ALMS1: variants seen among roughly 807,000 people sequenced by gnomAD.
ALMS1 encodes the protein centrosome-associated protein ALMS1.
Under a neutral mutation model 352.2 loss-of-function variants are expected in ALMS1, and 271 were observed. The ratio of observed to expected loss-of-function variants is 0.77; its 90% confidence interval spans 0.70 to 0.85. ALMS1 has a LOEUF of 0.85. Among genes scored for constraint, ALMS1 ranks in the 40% least tolerant of loss-of-function variants. ALMS1 has a pLI of 0.00. For missense variants in ALMS1, 5,445 were observed against 4,870.7 expected, an observed-to-expected ratio of 1.12 and a Z score of -3.51; for synonymous variants, 1,865 against 1,761.2, an observed-to-expected ratio of 1.06 and a Z score of -1.48.
chr2:73,433,449 G>T (rs962481827), intron 7 of ALMS1, among the ~76,000 whole-genome samples: 12 of 152,192 alleles, frequency 7.9e-5, no homozygotes, highest in Non-Finnish European at 1.6e-4. Context: ...ATTAGATGAG[G>T]TGGGAATAAG....
rs200395761 is a variant in ALMS1 at position 73,491,171 on chromosome 2, T to G, written c.9212T>G (p.Leu3071Trp). ...SGTLDERFHSLDAASKARMNS... is the reference protein window; with the variant it reads ...SGTLDERFHSWDAASKARMNS... ...ACTTTAGATGAAAGATTCCATTCATTGGATGCTGCTTCTAAAGCGAGGATG... is the reference window on the plus strand; with the variant it reads ...ACTTTAGATGAAAGATTCCATTCATGGGATGCTGCTTCTAAAGCGAGGATG... Residue 3071 changes from leucine to tryptophan, a missense_variant, in exon 10 of 23, where the codon TTG (leucine) becomes TGG (tryptophan). By Grantham distance (61) the Leu-to-Trp change is moderately conservative (BLOSUM62 -2). Coordinates refer to ENST00000613296, the MANE Select transcript of ALMS1 (RefSeq NM_001378454.1). 4 of 1,614,222 alleles carry G rather than the reference T, an allele frequency of 2.5e-6. No homozygotes were observed.
At position 73,450,177 on chromosome 2, in the gene ALMS1, A is replaced by G. The variant is rs749271012; in HGVS notation, c.3650A>G (p.Lys1217Arg). ...AGTCACATACCTGAAGAGGCACAGA[A>G]AGTTTCACCTGTTCTTGGACCAGCT... is the stretch of plus-strand genomic sequence containing the variant. ...PGSHIPEEAQKVSPVLGPADQ... is the reference protein window; with the variant it reads ...PGSHIPEEAQRVSPVLGPADQ... The change falls in exon 8 of 23, where the codon AAA becomes AGA. Residue 1217 changes from lysine to arginine, a missense_variant. Lys to Arg is a conservative substitution (Grantham distance 26). Coordinates refer to ENST00000613296, the MANE Select transcript of ALMS1 (RefSeq NM_001378454.1). The G allele has an allele frequency of 1.2e-6, 2 of 1,614,014 alleles. No homozygotes were observed. The highest frequency in any genetic ancestry group is 2.2e-5 in the South Asian group (2 of 91,076).
chr2:73,549,366 A>G (rs903472120), intron 12 of ALMS1, among the ~76,000 whole-genome samples: 2 of 152,296 alleles, frequency 1.3e-5, no homozygotes, highest in African/African-American at 4.8e-5. Flanking sequence ...ATAGCTAAAT[A>G]TATTATTATT....
At position 73,452,664 on chromosome 2, in the gene ALMS1, G is replaced by A; in HGVS notation, c.6137G>A (p.Ser2046Asn). The change falls in exon 8 of 23, where the codon AGT becomes AAT. Residue 2046 changes from serine to asparagine, a missense_variant. Physicochemically the swap from Ser to Asn is conservative, Grantham distance 46 (BLOSUM62 1). Coordinates refer to ENST00000613296, the MANE Select transcript of ALMS1 (RefSeq NM_001378454.1). ...ACTCCATCCCAGACAGCTTTTCATA[G>A]TTCCTATTCTCAAACAGTAAAGCCC... Reference protein sequence around the residue: ...QKTPSQTAFHSSYSQTVKPNI... With the variant: ...QKTPSQTAFHNSYSQTVKPNI... The A allele has an allele frequency of 6.2e-7, 1 of 1,613,952 alleles. No individual in the cohort carries two copies. The highest frequency in any genetic ancestry group is 8.5e-7 in the Non-Finnish European group (1 of 1,179,986).
chr2:73,565,912 A>C (rs1386366245), intron 15 of ALMS1, among the ~76,000 whole-genome samples: 1 of 152,226 alleles, frequency 6.6e-6, no homozygotes, highest in South Asian at 2.1e-4. Context: ...CTAAGGAGAC[A>C]TGATAATTAA....
At chr2:73,468,608 C>T (rs545012562) in intron 9 of ALMS1, among the ~76,000 whole-genome samples, 16 of 152,044 alleles carry the variant, frequency 1.1e-4, no homozygotes, top group African/African-American at 3.9e-4. Context: ...ATTTTGATTA[C>T]TCTGAGTACT....
At chr2:73,543,058 G>A (rs1303530635) in intron 12 of ALMS1, among the ~76,000 whole-genome samples, 11 of 152,032 alleles carry the variant, frequency 7.2e-5, no homozygotes, top group East Asian at 3.8e-4. Context: ...GCATCGCCAC[G>A]TCAATCCTAA....
At chr2:73,433,365 A>C (rs955270414) in intron 7 of ALMS1, among the ~76,000 whole-genome samples, 5 of 152,198 alleles carry the variant, frequency 3.3e-5, no homozygotes, top group African/African-American at 1.2e-4. Context: ...TTCAGCCTAC[A>C]TAGGGAAAGA....
chr2:73,453,418 TAAG>T lies in ALMS1; in HGVS notation c.6895_6897del (p.Lys2299del). 6.2e-7 allele frequency: 1 copy of T among 1,613,636 alleles called. No homozygotes were observed. The highest frequency in any genetic ancestry group is 8.5e-7 in the Non-Finnish European group (1 of 1,179,742). On this transcript the variant is annotated inframe_deletion, in exon 8 of 23. Coordinates refer to ENST00000613296, the MANE Select transcript of ALMS1 (RefSeq NM_001378454.1). ...TTAGTGATATTTCATTTATACAATC[TAAG>T]AAGGTGGTTTGCTTCAAAGAACCCT...
intron 16 of ALMS1, among the ~76,000 whole-genome samples, chr2:73,597,522 A>T (rs1242528433): frequency 6.6e-6 from 1 of 152,216 alleles, no homozygotes; most frequent in Non-Finnish European, 1.5e-5. Context: ...AATGTATTTC[A>T]TATCAGTCAC....
At chr2:73,394,043 A>T (rs1670706017) in intron 1 of ALMS1, among the ~76,000 whole-genome samples, 1 of 150,934 alleles carries the variant, frequency 6.6e-6, no homozygotes, top group African/African-American at 2.4e-5. Flanking sequence ...CTGGTCTCAA[A>T]CTCTTGGGCT....
At position 73,489,712 on chromosome 2, in the gene ALMS1, G is replaced by C. The variant is rs1672933058; in HGVS notation, c.7753G>C (p.Gly2585Arg). The C allele has an allele frequency of 1.2e-6, 2 of 1,614,012 alleles. No individual in the cohort carries two copies. Among genetic ancestry groups the C allele is most frequent in the Non-Finnish European group, 1.7e-6 (2 of 1,180,006 alleles). ...CATTATTATTGAGAGCCATGAAAAG[G>C]GATGTTTCCGGACTCTAACTTCTGA... ...SHIIIESHEK[G>R]CFRTLTSEHP... Residue 2585 changes from glycine to arginine, a missense_variant, in exon 10 of 23, where the codon GGA becomes CGA. Coordinates refer to ENST00000613296, the MANE Select transcript of ALMS1 (RefSeq NM_001378454.1).
rs779871780 is a variant in ALMS1, at chr2:73,453,371, C to G, written c.6844C>G (p.Pro2282Ala). 2 of 1,613,826 alleles carry G rather than the reference C, an allele frequency of 1.2e-6. No individual in the cohort carries two copies. The highest frequency in any genetic ancestry group is 2.2e-5 in the East Asian group (1 of 44,864). Residue 2282 changes from proline to alanine, a missense_variant, in exon 8 of 23, where the codon CCC becomes GCC. Physicochemically the swap from Pro to Ala is conservative, Grantham distance 27 (BLOSUM62 -1). Transcript: ENST00000613296. ...ACTGAAACGATGCAATTTTCCTGCT[C>G]CCCTTGCCCGTTTCAGAGATATTAG... The part of the protein sequence containing the change: ...MALKRCNFPA[P>A]LARFRDISDI...
At chr2:73,454,507 C>A in intron 8 of ALMS1, 1 of 326,830 alleles carries the variant, frequency 3.1e-6, no homozygotes, top group Non-Finnish European at 4.4e-6. Flanking sequence ...CCTAAAACTA[C>A]ATATATTTTC....
intron 12 of ALMS1, among the ~76,000 whole-genome samples, chr2:73,538,887 A>G (rs1248154090): frequency 6.6e-6 from 1 of 152,142 alleles, no homozygotes; most frequent in Non-Finnish European, 1.5e-5. Flanking sequence ...AGCGGCCGGG[A>G]AGCTCGAACT....
chr2:73,452,642 C>A lies in ALMS1; in HGVS notation c.6115C>A (p.Pro2039Thr). The A allele has an allele frequency of 6.2e-7, 1 of 1,614,028 alleles. No homozygotes were observed. Among genetic ancestry groups the A allele is most frequent in the African/African-American group, 1.3e-5 (1 of 75,032 alleles). Residue 2039 changes from proline (P) to threonine (T), a missense_variant, in exon 8 of 23, where the codon CCA becomes ACA. Physicochemically the swap from Pro to Thr is conservative, Grantham distance 38. Transcript: ENST00000613296. ...GATTGGACCAAATGACCAGAAGACT[C>A]CATCCCAGACAGCTTTTCATAGTTC... is the stretch of plus-strand genomic sequence containing the variant. ...TVIGPNDQKT[P>T]SQTAFHSSYS...
intron 11 of ALMS1, among the ~76,000 whole-genome samples, chr2:73,524,274 T>G (rs559763396): frequency 7.1e-4 from 108 of 152,310 alleles, no homozygotes; most frequent in African/African-American, 2.5e-3. Context: ...GAATTTATTT[T>G]TATTTTTAAT....
intron 10 of ALMS1, among the ~76,000 whole-genome samples, chr2:73,495,712 T>C (rs1159849578): frequency 6.6e-6 from 1 of 152,180 alleles, no homozygotes; most frequent in Non-Finnish European, 1.5e-5. Flanking sequence ...TCTGTATCTT[T>C]TAACGTGTGT....
chr2:73,395,072 A>ATTTT (rs1558628491), intron 1 of ALMS1, among the ~76,000 whole-genome samples: 6 of 107,614 alleles, frequency 5.6e-5, no homozygotes, highest in African/African-American at 1.8e-4. Flanking sequence ...ATATATATAT[A>ATTTT]TATATATTTT....
Sources: allele counts gnomAD v4.1 joint callset (sites outside exome capture counted in the v4.1 genomes callset), GRCh38; gene constraint gnomAD v4.1.1; transcripts MANE v1.5; gene names NCBI Gene and HGNC (gene_info 2026-07-23, HGNC 2026-07-21).